Variants in MACROD2 observed in about 807,000 individuals in gnomAD.
MACROD2 encodes the protein mono-ADP ribosylhydrolase 2, also known as ADP-ribose glycohydrolase MACROD2.
Under a neutral mutation model 70.4 loss-of-function variants are expected in MACROD2, and 36 were observed. The ratio of observed to expected loss-of-function variants is 0.51; its 90% CI spans 0.39 to 0.68. The LOEUF is 0.68. Among genes scored for constraint, MACROD2 ranks in the 30% least tolerant of loss-of-function variants. MACROD2 has a pLI of 0.00. For synonymous variants in MACROD2, 172 were observed against 178.8 expected, an observed-to-expected ratio of 0.96 and a Z score of 0.30; for missense variants, 496 against 538.4, an observed-to-expected ratio of 0.92 and a Z score of 0.78.
rs141747342 is a variant in MACROD2, at chr20:15,515,653, A to G, written c.645+15806A>G. On this transcript the variant is annotated intron_variant, in intron 8 of 17. Coordinates refer to ENST00000684519, the MANE Select transcript of MACROD2 (RefSeq NM_001351661.2). ...ACATAAAAAGCTTTGACAAAAATGC[A>G]TTGAATGAACGAATGTTTTGAATTG... 8.3e-3 allele frequency among the ~76,000 whole-genome samples: 1,259 copies of G among 152,350 alleles called. 6 individuals are homozygous for G. The highest frequency in any genetic ancestry group is 0.037 in the Middle Eastern group (11 of 294).
intron 5 of MACROD2, among the ~76,000 whole-genome samples, chr20:14,892,072 A>G (rs1002268403): frequency 1.4e-4 from 21 of 152,162 alleles, no homozygotes; most frequent in African/African-American, 5.1e-4. Context: ...TCCTGGATTG[A>G]AGGTTTCGAT....
intron 7 of MACROD2, among the ~76,000 whole-genome samples, chr20:15,440,921 TA>T (rs1354976970): frequency 6.6e-6 from 1 of 152,218 alleles, no homozygotes; most frequent in Non-Finnish European, 1.5e-5. Context: ...CTAAGTTTTT[TA>T]TCTTGTCAAA....
At position 15,056,994 on chromosome 20, in the gene MACROD2, C is replaced by A. The variant is rs151305243; in HGVS notation, c.419-172946C>A. The stretch of plus-strand genomic sequence containing the variant: ...AAGAGTTATGTGGTTACCTGACCAA[C>A]CCGAAACAGAAGCTGTTTAAGATGA... On this transcript the variant is annotated intron_variant, in intron 5 of 17. Coordinates refer to ENST00000684519, the MANE Select transcript of MACROD2 (RefSeq NM_001351661.2). 2.2e-3 allele frequency among the ~76,000 whole-genome samples: 341 copies of A among 152,214 alleles called. 1 individual carries two copies. The highest frequency in any genetic ancestry group is 9.7e-3 in the Admixed American group (148 of 15,286).
At chr20:14,222,479 C>G (rs887930991) in intron 3 of MACROD2, among the ~76,000 whole-genome samples, 15 of 151,902 alleles carry the variant, frequency 9.9e-5, no homozygotes, top group Non-Finnish European at 2.2e-4. Flanking sequence ...GCAATGGACA[C>G]TAGGAAGTGT....
chr20:14,622,301 G>A lies in MACROD2; in HGVS notation c.302-62542G>A, dbSNP rs1600468677. On this transcript the variant is annotated intron_variant, in intron 4 of 17. Coordinates refer to ENST00000684519, the MANE Select transcript of MACROD2 (RefSeq NM_001351661.2). ...AAGTTGTCCGTTAAGTAGGTCAAGG[G>A]GTATCTGAGATGTGAGCGGGTAGCT... Among the ~76,000 whole-genome samples the A allele has an allele frequency of 2.0e-5, 3 of 151,876 alleles. No homozygotes were observed. The South Asian group carries it at 6.2e-4, about 32-fold the overall frequency.
chr20:14,164,700 C>T (rs1041224678), intron 3 of MACROD2, among the ~76,000 whole-genome samples: 27 of 151,926 alleles, frequency 1.8e-4, no homozygotes, highest in Admixed American at 2.6e-4. Flanking sequence ...GAGGAGTACC[C>T]GGGTGCCAGT....
chr20:14,681,337 A>G (rs2070929624), intron 4 of MACROD2, among the ~76,000 whole-genome samples: 1 of 152,214 alleles, frequency 6.6e-6, no homozygotes, highest in African/African-American at 2.4e-5. Flanking sequence ...CATAATAGCT[A>G]AAAACTAGAA....
At chr20:15,301,209 G>T (rs1011980718) in intron 6 of MACROD2, among the ~76,000 whole-genome samples, 2 of 152,200 alleles carry the variant, frequency 1.3e-5, no homozygotes, top group Admixed American at 1.3e-4. Context: ...TATTCTAGGG[G>T]GCACAGTGGA....
chr20:15,113,347 G>A (rs1286743302), intron 5 of MACROD2, among the ~76,000 whole-genome samples: 1 of 151,906 alleles, frequency 6.6e-6, no homozygotes, highest in Non-Finnish European at 1.5e-5. Context: ...ATTGTGTATT[G>A]GTTTAACACA....
chr20:15,717,523 C>G (rs1390578627), intron 8 of MACROD2, among the ~76,000 whole-genome samples: 3 of 152,200 alleles, frequency 2.0e-5, no homozygotes, highest in African/African-American at 7.2e-5. Context: ...CTCCAAATGT[C>G]TAAATCCTTC....
intron 3 of MACROD2, among the ~76,000 whole-genome samples, chr20:14,403,375 C>T (rs2083659131): frequency 6.6e-6 from 1 of 152,126 alleles, no homozygotes; most frequent in African/African-American, 2.4e-5. Context: ...TACACATCCC[C>T]CTGCCCTCAA....
chr20:14,019,412 G>T (rs886262224), intron 2 of MACROD2, among the ~76,000 whole-genome samples: 2 of 152,096 alleles, frequency 1.3e-5, no homozygotes, highest in Non-Finnish European at 1.5e-5. Flanking sequence ...GCTGGGACCA[G>T]GCACGTGCCA....
At chr20:15,065,736 G>C (rs1198367976) in intron 5 of MACROD2, among the ~76,000 whole-genome samples, 3 of 151,700 alleles carry the variant, frequency 2.0e-5, no homozygotes, top group Non-Finnish European at 4.4e-5. Flanking sequence ...ATGCCTAACA[G>C]AGTATATTTA....
intron 8 of MACROD2, among the ~76,000 whole-genome samples, chr20:15,768,963 A>G (rs1022092191): frequency 1.3e-5 from 2 of 152,192 alleles, no homozygotes; most frequent in African/African-American, 4.8e-5. Flanking sequence ...CAGGGGTGAT[A>G]TACTCATGGA....
chr20:15,763,769 T>A (rs2051477449), intron 8 of MACROD2, among the ~76,000 whole-genome samples: 1 of 152,224 alleles, frequency 6.6e-6, no homozygotes, highest in Non-Finnish European at 1.5e-5. Context: ...GGTCAATTGT[T>A]ACAAATACAG....
At chr20:15,696,157 C>T (rs1162419159) in intron 8 of MACROD2, among the ~76,000 whole-genome samples, 1 of 152,112 alleles carries the variant, frequency 6.6e-6, no homozygotes, top group East Asian at 1.9e-4. Flanking sequence ...TTTCCCCATT[C>T]AGTATTACAT....
At chr20:14,298,581 A>G (rs6033938) in intron 3 of MACROD2, among the ~76,000 whole-genome samples, 11 of 146,976 alleles carry the variant, frequency 7.5e-5, no homozygotes, top group Admixed American at 3.4e-4. Context: ...AAAAAAAAAA[A>G]AAGAAGTGAA....
chr20:14,630,799 A>G (rs1223116742), intron 4 of MACROD2, among the ~76,000 whole-genome samples: 1 of 152,230 alleles, frequency 6.6e-6, no homozygotes, highest in East Asian at 1.9e-4. Flanking sequence ...CCCTTTTGAA[A>G]TATGCTTAGA....
chr20:14,043,112 G>T (rs544767092), intron 2 of MACROD2, among the ~76,000 whole-genome samples: 1 of 152,024 alleles, frequency 6.6e-6, no homozygotes, highest in African/African-American at 2.4e-5. Flanking sequence ...TAGAGATGGG[G>T]TCTTACTATG....
Sources: gnomAD v4.1 joint callset for allele counts (sites outside exome capture counted in the v4.1 genomes callset) on GRCh38, gnomAD v4.1.1 for gene constraint, MANE v1.5 for transcripts, NCBI Gene and HGNC (gene_info 2026-07-23, HGNC 2026-07-21) for gene names.